TSNARE1: variants seen among roughly 807,000 people sequenced by gnomAD.
TSNARE1 encodes t-SNARE domain-containing protein 1.
A neutral mutation model predicts 62.0 loss-of-function variants in TSNARE1; 49 were observed. The observed-to-expected ratio is 0.79, with a 90% CI of 0.63 to 1.00. The LOEUF is 1.00. Ranked by LOEUF, TSNARE1 falls within the 50% of genes least tolerant of loss-of-function variation. TSNARE1 has a pLI of 0.00. For missense variants in TSNARE1, 755 were observed against 700.1 expected, an observed-to-expected ratio of 1.08 and a Z score of -0.88; for synonymous variants, 328 against 294.4, an observed-to-expected ratio of 1.11 and a Z score of -1.17.
At position 142,284,033 on chromosome 8, in the gene TSNARE1, A is replaced by G. The variant is rs1297625994; in HGVS notation, c.1363+380T>C. 4.6e-5 allele frequency among the ~76,000 whole-genome samples: 6 copies of G among 130,976 alleles called. 1 individual carries two copies. Among genetic ancestry groups the G allele is most frequent in the Non-Finnish European group, 8.4e-5 (5 of 59,776 alleles). 85.9% of individuals were successfully genotyped at this position (130,976 alleles called of 152,430 possible). ...GCAGGGTGAAGGCTAGTGTCTATCAATGAGCGGGTACCAGTGTCTGCCAAT... is the reference window on the plus strand; with the variant it reads ...GCAGGGTGAAGGCTAGTGTCTATCAGTGAGCGGGTACCAGTGTCTGCCAAT... On this transcript the variant is annotated intron_variant, in intron 11 of 13. Transcript: ENST00000524325.
intron 12 of TSNARE1, chr8:142,269,608 C>A (rs1259597062): frequency 1.0e-6 from 1 of 985,198 alleles, no homozygotes; most frequent in African/African-American, 1.7e-5. Flanking sequence ...TGATTACAGG[C>A]ATGAGCCACT....
chr8:142,243,130 G>C (rs2130204521), intron 12 of TSNARE1, among the ~76,000 whole-genome samples: 1 of 152,200 alleles, frequency 6.6e-6, no homozygotes, highest in Admixed American at 6.5e-5. Context: ...GGGGAAAAGG[G>C]AACCCTTGCG....
chr8:142,325,146 C>A (rs1279646449), intron 6 of TSNARE1, among the ~76,000 whole-genome samples: 1 of 152,214 alleles, frequency 6.6e-6, no homozygotes, highest in Non-Finnish European at 1.5e-5. Flanking sequence ...GCCGGCAAGG[C>A]CTGGACTGAG....
At chr8:142,367,870 A>C (rs904108530) in intron 1 of TSNARE1, among the ~76,000 whole-genome samples, 6 of 152,246 alleles carry the variant, frequency 3.9e-5, no homozygotes, top group African/African-American at 1.4e-4. Context: ...TGGTGCTGAG[A>C]CACCTGCTTA....
intron 10 of TSNARE1, 77 bp from the exon 11 acceptor site, chr8:142,284,562 G>T (rs1822361995): frequency 1.6e-6 from 2 of 1,267,342 alleles, no homozygotes; most frequent in Non-Finnish European, 2.3e-6. Flanking sequence ...GTTTCCCATG[G>T]AACCTGGGGC....
chr8:142,340,007 G>A (rs574921187), intron 4 of TSNARE1, among the ~76,000 whole-genome samples: 1 of 152,386 alleles, frequency 6.6e-6, no homozygotes, highest in East Asian at 1.9e-4. Flanking sequence ...GAGCTGGGGA[G>A]GGAACCAGCT....
At chr8:142,230,868 C>T (rs1256604588) in intron 12 of TSNARE1, among the ~76,000 whole-genome samples, 2 of 151,822 alleles carry the variant, frequency 1.3e-5, no homozygotes, top group Non-Finnish European at 2.9e-5. Flanking sequence ...ATTCATCTAT[C>T]CATCCATCCA....
At chr8:142,280,277 G>A (rs1330195070) in intron 11 of TSNARE1, 3 of 985,202 alleles carry the variant, frequency 3.0e-6, no homozygotes, top group African/African-American at 3.5e-5. Context: ...GCCGCGGCCG[G>A]CTCGGGGCTG....
Position 142,285,860 on chromosome 8 carries a change from G to A in TSNARE1, c.1291-1375C>T, listed in dbSNP as rs188344822. On this transcript the variant is annotated intron_variant, in intron 10 of 13. Transcript: ENST00000524325. ...TGATGATCCTAAGAGACGTGGCCAC[G>A]CCACTCTCAGAGCACACACCTGGGC... is the stretch of plus-strand genomic sequence containing the variant. Among the ~76,000 whole-genome samples the A allele has an allele frequency of 6.0e-4, 92 of 152,200 alleles. 4 individuals are homozygous for A. In the East Asian group the frequency reaches 0.016, roughly 26 times the overall value.
intron 1 of TSNARE1, among the ~76,000 whole-genome samples, chr8:142,377,656 G>A (rs781164596): frequency 3.6e-4 from 55 of 152,166 alleles, no homozygotes; most frequent in African/African-American, 9.9e-4. Context: ...CTGGGGGAAC[G>A]GCAGGGACCC....
At chr8:142,360,855 C>T (rs1459133756) in intron 1 of TSNARE1, among the ~76,000 whole-genome samples, 1 of 152,332 alleles carries the variant, frequency 6.6e-6, no homozygotes, top group East Asian at 1.9e-4. Context: ...GGGGCTCAGT[C>T]CCCAACTCCT....
In TSNARE1 at chr8:142,277,682, G is replaced by A. The variant is rs1002395853; in HGVS notation, c.1364-2819C>T. On this transcript the variant is annotated intron_variant, in intron 11 of 13. Transcript: ENST00000524325. ...TCAGCAGCAGGGCAGGCCACTCAAAGCAGCTCACAGGCACCAAAGACTCCC... is the reference window on the plus strand; with the variant it reads ...TCAGCAGCAGGGCAGGCCACTCAAAACAGCTCACAGGCACCAAAGACTCCC... The A allele has an allele frequency of 4.1e-6, 4 of 985,322 alleles. No individual in the cohort carries two copies. The African/African-American group carries it at 7.0e-5, about 17-fold the overall frequency. The allele number at this position is 985,322 out of a possible 1,614,324, so 61.0% of individuals were successfully genotyped here.
At chr8:142,239,894 T>C (rs1206978499) in intron 12 of TSNARE1, among the ~76,000 whole-genome samples, 2 of 152,230 alleles carry the variant, frequency 1.3e-5, no homozygotes, top group South Asian at 2.1e-4. Flanking sequence ...GCGACTGTTA[T>C]GTACATTTGA....
intron 1 of TSNARE1, among the ~76,000 whole-genome samples, chr8:142,380,335 G>A (rs976981133): frequency 3.3e-5 from 5 of 152,188 alleles, no homozygotes; most frequent in Admixed American, 1.3e-4. Flanking sequence ...GGGCACCACC[G>A]GACACAGCAG....
At chr8:142,251,475 C>T (rs925297635) in intron 12 of TSNARE1, among the ~76,000 whole-genome samples, 3 of 152,098 alleles carry the variant, frequency 2.0e-5, no homozygotes, top group Non-Finnish European at 2.9e-5. Context: ...AGTGGGCCCA[C>T]GAGCAGCTCA....
chr8:142,223,027 C>CTCACTCATTCACTCACTCAT (rs1816504745), intron 13 of TSNARE1, among the ~76,000 whole-genome samples: 2 of 48,016 alleles, frequency 4.2e-5, no homozygotes, highest in South Asian at 7.3e-4. Flanking sequence ...CACTCAGCCA[C>CTCACTCATTCACTCACTCAT]TCACTCATTC....
intron 1 of TSNARE1, among the ~76,000 whole-genome samples, chr8:142,399,346 A>G (rs1471074554): frequency 6.6e-6 from 1 of 152,194 alleles, no homozygotes; most frequent in Non-Finnish European, 1.5e-5. Flanking sequence ...ACTGGGCCCC[A>G]GGCCCTGGGC....
In TSNARE1 at chr8:142,314,992, C is replaced by G; in HGVS notation, c.1074+11G>C. On this transcript the variant is annotated intron_variant, in intron 8 of 13. Transcript: ENST00000524325. ...GCCTGCAGACCCCCACTGCCCCCAC[C>G]AGCACCTCACCTTCTGCACCACTCC... is the stretch of plus-strand genomic sequence containing the variant. 4.3e-6 allele frequency: 7 copies of G among 1,614,086 alleles called. No homozygotes were observed. The highest frequency in any genetic ancestry group is 5.1e-6 in the Non-Finnish European group (6 of 1,179,930).
chr8:142,359,524 TCCTTAGACACGGCA>T (rs1292883405), intron 1 of TSNARE1, among the ~76,000 whole-genome samples: 2 of 152,100 alleles, frequency 1.3e-5, no homozygotes, highest in African/African-American at 4.8e-5. Context: ...TGAGCCAGTG[TCCTTAGACACGGCA>T]CCGCTCACGT....
Sources: gnomAD v4.1 joint callset for allele counts (sites outside exome capture counted in the v4.1 genomes callset) on GRCh38, gnomAD v4.1.1 for gene constraint, MANE v1.5 for transcripts, NCBI Gene and HGNC (gene_info 2026-07-23, HGNC 2026-07-21) for gene names.